Variants in AKAP7 observed in about 807,000 individuals in gnomAD.
AKAP7 encodes the protein A-kinase anchoring protein 7.
In AKAP7, 39 loss-of-function variants were observed where a neutral mutation model predicts 39.5. That is an observed-to-expected ratio of 0.99 (90% CI 0.76 to 1.29). AKAP7 has a LOEUF of 1.29. Among genes scored for constraint, AKAP7 ranks in the 50% most tolerant of loss-of-function variants. The pLI is 0.00. For synonymous variants in AKAP7, 140 were observed against 139.1 expected (o/e 1.01, Z -0.05); for missense variants, 414 against 407.7 (o/e 1.02, Z -0.13).
At chr6:131,255,017 G>T (rs1365515291) in intron 7 of AKAP7, among the ~76,000 whole-genome samples, 2 of 152,066 alleles carry the variant, frequency 1.3e-5, no homozygotes, top group South Asian at 2.1e-4. Flanking sequence ...TACCATAAAG[G>T]TGATCAAATT....
chr6:131,185,881 A>G (rs1368494273), intron 5 of AKAP7, among the ~76,000 whole-genome samples: 3 of 152,212 alleles, frequency 2.0e-5, no homozygotes, highest in Non-Finnish European at 4.4e-5. Context: ...CACTCAAGAA[A>G]TCATTGCCAA....
chr6:131,267,093 C>CT (rs1174667100), intron 7 of AKAP7, among the ~76,000 whole-genome samples: 1 of 152,052 alleles, frequency 6.6e-6, no homozygotes, highest in African/African-American at 2.4e-5. Context: ...GATTAGTCAG[C>CT]TGAGTTAAAG....
chr6:131,172,238 A>G lies in AKAP7; in HGVS notation c.589+2965A>G, dbSNP rs1216120433. On this transcript the variant is annotated intron_variant, in intron 5 of 7. Coordinates refer to ENST00000431975, the MANE Select transcript of AKAP7 (RefSeq NM_016377.4). Reference sequence around the variant, plus strand: ...TTTTTAAGAGGCACAATTTTTAATAACAAGAACAGTAGAGACATGTAGGAA... The same window carrying G: ...TTTTTAAGAGGCACAATTTTTAATAGCAAGAACAGTAGAGACATGTAGGAA... Among the ~76,000 whole-genome samples the G allele has an allele frequency of 2.6e-5, 4 of 152,370 alleles. No homozygotes were observed. In the South Asian group the frequency reaches 6.2e-4, roughly 24 times the overall value.
chr6:131,193,109 A>G (rs1442595421), intron 5 of AKAP7, among the ~76,000 whole-genome samples: 1 of 152,034 alleles, frequency 6.6e-6, no homozygotes, highest in African/African-American at 2.4e-5. Context: ...TAGGACTTCT[A>G]TTGTGTTGAA....
intron 3 of AKAP7, chr6:131,164,659 A>G: frequency 3.2e-6 from 1 of 316,762 alleles, no homozygotes. Flanking sequence ...TCTAACAGAA[A>G]TGGAATGTTG....
chr6:131,175,994 A>C (rs1804537976), intron 5 of AKAP7, among the ~76,000 whole-genome samples: 1 of 152,204 alleles, frequency 6.6e-6, no homozygotes, highest in Non-Finnish European at 1.5e-5. Context: ...ACTTCTATTA[A>C]ATAAATTGGT....
intron 4 of AKAP7, 32 bp downstream of exon 4, chr6:131,165,249 T>G (rs758313930): frequency 1.3e-6 from 2 of 1,534,468 alleles, no homozygotes; most frequent in Admixed American, 3.8e-5. Flanking sequence ...AATATAATTT[T>G]CCAAATTATT....
chr6:131,130,637 C>T (rs116078031), upstream of AKAP7, among the ~76,000 whole-genome samples: 402 of 152,248 alleles, frequency 2.6e-3, 2 homozygotes, highest in African/African-American at 8.6e-3. Context: ...ACCATGAAGA[C>T]TGGGAGAATC....
At chr6:131,241,647 T>C (rs1431159884) in intron 7 of AKAP7, among the ~76,000 whole-genome samples, 1 of 63,876 alleles carries the variant, frequency 1.6e-5, no homozygotes, top group African/African-American at 6.5e-5. Context: ...ATGACAGTTA[T>C]AGGATTCAGT....
At chr6:131,199,788 CT>C (rs1457748956) in intron 6 of AKAP7, among the ~76,000 whole-genome samples, 1 of 152,178 alleles carries the variant, frequency 6.6e-6, no homozygotes, top group Non-Finnish European at 1.5e-5. Flanking sequence ...GATGGCTGTT[CT>C]TGCATAGTCT....
intron 7 of AKAP7, among the ~76,000 whole-genome samples, chr6:131,253,362 G>C (rs922765363): frequency 2.0e-5 from 3 of 152,014 alleles, no homozygotes; most frequent in African/African-American, 7.2e-5. Flanking sequence ...ACATATTTAT[G>C]GGGCATGTGA....
At chr6:131,131,557 G>C (rs186664189), upstream of AKAP7, among the ~76,000 whole-genome samples, 8 of 149,722 alleles carry the variant, frequency 5.3e-5, no homozygotes, top group Non-Finnish European at 8.9e-5. Context: ...GCTTATAAAA[G>C]TTTTATTCAT....
chr6:131,144,896 C>T (rs1801350238), intron 1 of AKAP7, among the ~76,000 whole-genome samples: 4 of 152,076 alleles, frequency 2.6e-5, no homozygotes, highest in Admixed American at 2.6e-4. Flanking sequence ...CAAATAAGAA[C>T]ACATAAGTGA....
At chr6:131,244,870 T>C (rs938076839) in intron 7 of AKAP7, among the ~76,000 whole-genome samples, 12 of 152,188 alleles carry the variant, frequency 7.9e-5, no homozygotes, top group Admixed American at 5.9e-4. Context: ...GCTATACATA[T>C]TAAAATTGTA....
At chr6:131,240,117 C>T (rs1811411195) in intron 7 of AKAP7, among the ~76,000 whole-genome samples, 1 of 152,168 alleles carries the variant, frequency 6.6e-6, no homozygotes, top group East Asian at 1.9e-4. Flanking sequence ...GTTAGTTTTC[C>T]ATCTAACAGT....
intron 1 of AKAP7, among the ~76,000 whole-genome samples, chr6:131,139,014 C>T (rs1800807534): frequency 6.6e-6 from 1 of 152,108 alleles, no homozygotes; most frequent in African/African-American, 2.4e-5. Context: ...AGTACTCAAC[C>T]CAATGAACTT....
intron 6 of AKAP7, among the ~76,000 whole-genome samples, chr6:131,202,612 G>A (rs1482147403): frequency 7.1e-6 from 1 of 140,796 alleles, no homozygotes; most frequent in Non-Finnish European, 1.5e-5. Flanking sequence ...GACTGTTGTG[G>A]GATGGGGGAG....
intron 4 of AKAP7, among the ~76,000 whole-genome samples, chr6:131,166,737 G>A (rs1803536608): frequency 6.6e-6 from 1 of 152,180 alleles, no homozygotes; most frequent in African/African-American, 2.4e-5. Context: ...GGGGCAGCTA[G>A]AATGGAATTG....
At chr6:131,169,047 A>T in intron 4 of AKAP7, 66 bp from the exon 5 acceptor site, 1 of 1,357,714 alleles carries the variant, frequency 7.4e-7, no homozygotes, top group Non-Finnish European at 1.0e-6. Flanking sequence ...GGTACTTTGT[A>T]TCTTATTTGG....
Sources: allele counts gnomAD v4.1 joint callset (sites outside exome capture counted in the v4.1 genomes callset), GRCh38; gene constraint gnomAD v4.1.1; transcripts MANE v1.5; gene names NCBI Gene and HGNC (gene_info 2026-07-23, HGNC 2026-07-21).